Variants in RNF128 observed in about 807,000 individuals in gnomAD.
RNF128 encodes E3 ubiquitin-protein ligase RNF128.
In RNF128, 13 loss-of-function variants were observed where a neutral mutation model predicts 26.2. The ratio of observed to expected loss-of-function variants is 0.50; its 90% CI spans 0.32 to 0.79. The LOEUF (loss-of-function observed/expected upper bound fraction) is 0.79. Ranked by LOEUF, RNF128 falls within the 30% of genes least tolerant of loss-of-function variation. The probability of loss-of-function intolerance (pLI) is 0.03; values close to 1 mark genes in which losing one functional copy is unlikely to be tolerated. For synonymous variants in RNF128, 149 were observed against 142.5 expected, an observed-to-expected ratio of 1.05 and a Z score of -0.32; for missense variants, 315 against 349.7, an observed-to-expected ratio of 0.90 and a Z score of 0.79.
chrX:106,781,685 C>G (rs1930567298), intron 2 of RNF128, among the ~76,000 whole-genome samples: 1 of 111,681 alleles, frequency 9.0e-6, no homozygotes, highest in Non-Finnish European at 1.9e-5. Flanking sequence ...TTCTTTATAT[C>G]AGCCCAGTAG....
chrX:106,743,199 G>A lies in RNF128; in HGVS notation c.484+15802G>A, dbSNP rs1368887554. On this transcript the variant is annotated intron_variant, in intron 1 of 6. Transcript: ENST00000255499. The stretch of plus-strand genomic sequence containing the variant: ...AGCCTGTCATTTCAGGAAAACAAAT[G>A]ACAATATTTGTTGCCAATGATAAGA... 2.7e-5 allele frequency among the ~76,000 whole-genome samples: 3 copies of A among 112,084 alleles called. No homozygotes were observed. The East Asian group carries it at 8.4e-4, about 31-fold the overall frequency.
chrX:106,785,871 T>C (rs1248059874), intron 3 of RNF128, among the ~76,000 whole-genome samples: 5 of 111,701 alleles, frequency 4.5e-5, no homozygotes, highest in Non-Finnish European at 7.5e-5. Context: ...CCATTTTAAA[T>C]CTTACCAAAG....
At chrX:106,736,167 C>A (rs193211320) in intron 1 of RNF128, among the ~76,000 whole-genome samples, 55 of 111,359 alleles carry the variant, frequency 4.9e-4, no homozygotes, top group African/African-American at 1.7e-3. Flanking sequence ...AGATTAAGGG[C>A]AGAAGGGAAT....
At chrX:106,735,977 A>G (rs377462229) in intron 1 of RNF128, among the ~76,000 whole-genome samples, 277 of 109,818 alleles carry the variant, frequency 2.5e-3, no homozygotes, top group African/African-American at 9.0e-3. Context: ...TTTTTCCCGT[A>G]AGAGGCCTGC....
At chrX:106,789,418 A>C (rs1930770342) in intron 4 of RNF128, among the ~76,000 whole-genome samples, 1 of 99,399 alleles carries the variant, frequency 1.0e-5, no homozygotes, top group Non-Finnish European at 2.0e-5. Context: ...TATATACTCT[A>C]CATAATATAT....
At chrX:106,700,311 G>A (rs28674635) in intron 1 of RNF128, among the ~76,000 whole-genome samples, 13,143 of 110,504 alleles carry the variant, frequency 0.12, 1,940 homozygotes, top group African/African-American at 0.41. Flanking sequence ...GTCGTGAGCC[G>A]TCGCACTTGG....
upstream of RNF128, among the ~76,000 whole-genome samples, chrX:106,725,025 T>G (rs949264422): frequency 5.3e-5 from 6 of 112,443 alleles, no homozygotes; most frequent in African/African-American, 1.9e-4. Context: ...ACCTTCTTTC[T>G]TCTGAACACA....
At chrX:106,740,146 G>C (rs1929677680) in intron 1 of RNF128, among the ~76,000 whole-genome samples, 2 of 112,024 alleles carry the variant, frequency 1.8e-5, no homozygotes, top group South Asian at 7.5e-4. Context: ...GAAGGGGAGT[G>C]TGTAAGCAGC....
At chrX:106,783,620 G>A (rs1256786924) in intron 2 of RNF128, among the ~76,000 whole-genome samples, 2 of 111,380 alleles carry the variant, frequency 1.8e-5, no homozygotes, top group Non-Finnish European at 3.8e-5. Flanking sequence ...ATCTTGCCAT[G>A]CTGCACATGC....
rs1465213225 is a variant in RNF128, at chrX:106,697,284, TG to T, written c.406+2877del. 1.1e-4 allele frequency among the ~76,000 whole-genome samples: 12 copies of T among 112,008 alleles called. No individual in the cohort carries two copies. In the Admixed American group the frequency reaches 1.1e-3, roughly 11 times the overall value. ...GAATAGAGAAATATTTGGTAGTTTT[TG>T]TGGCGAGGACACTGTCCATATTTTG... On this transcript the variant is annotated intron_variant, in intron 1 of 6. Transcript: ENST00000324342.
intron 1 of RNF128, among the ~76,000 whole-genome samples, chrX:106,763,538 G>A (rs533493802): frequency 5.3e-5 from 6 of 112,867 alleles, no homozygotes; most frequent in South Asian, 3.6e-4. Context: ...ACGGAGTCTC[G>A]CTCTGTCGTC....
At chrX:106,741,963 C>T (rs192279390) in intron 1 of RNF128, among the ~76,000 whole-genome samples, 1 of 111,372 alleles carries the variant, frequency 9.0e-6, no homozygotes, top group African/African-American at 3.3e-5. Flanking sequence ...AATTTTATTC[C>T]GTAGGTGAAA....
rs183903648 is a variant in RNF128 at position 106,698,747 on chromosome X, G to T, written c.406+4339G>T. Among the ~76,000 whole-genome samples, 67 of 111,204 alleles carry T rather than the reference G, an allele frequency of 6.0e-4. 2 individuals are homozygous for T. The East Asian group carries it at 0.018, about 29-fold the overall frequency. ...CTGTAAGCCAAAGTGGCTTTTTAGA[G>T]AAAATAAATCTCATTCTGTTTAAAA... On this transcript the variant is annotated intron_variant, in intron 1 of 6. Transcript: ENST00000324342.
rs777344389 is a variant in RNF128 at position 106,697,823 on chromosome X, C to G, written c.406+3415C>G. Among the ~76,000 whole-genome samples the G allele has an allele frequency of 5.4e-5, 6 of 110,314 alleles. No individual in the cohort carries two copies. The East Asian group carries it at 1.7e-3, about 32-fold the overall frequency. ...TGGAGGTAAACTTCTAACTCAGTTT[C>G]CCATTGTGCTGTGTCCAGTATCAGT... is the stretch of plus-strand genomic sequence containing the variant. On this transcript the variant is annotated intron_variant, in intron 1 of 6. Coordinates refer to the RNF128 transcript ENST00000324342.
intron 1 of RNF128, among the ~76,000 whole-genome samples, chrX:106,734,291 A>G (rs1336306084): frequency 9.0e-6 from 1 of 111,582 alleles, no homozygotes; most frequent in Non-Finnish European, 1.9e-5. Context: ...AAATATACTT[A>G]CTAGCCTTAA....
chrX:106,779,086 G>T (rs1037391889), intron 2 of RNF128, among the ~76,000 whole-genome samples: 5 of 111,303 alleles, frequency 4.5e-5, no homozygotes, highest in Non-Finnish European at 7.5e-5. Flanking sequence ...TTAAATCCTT[G>T]TCTAAGTAAG....
rs749984429 is a variant in RNF128 at position 106,763,927 on chromosome X, T to TTTTGGTTTGGTTTGGTTTGGTTTGG, written c.485-8972_485-8948dup. On this transcript the variant is annotated intron_variant, in intron 1 of 6. Coordinates refer to ENST00000255499, the MANE Select transcript of RNF128 (RefSeq NM_194463.2). ...TGTACATTTCTTGCCTATCCTTGTT[T>TTTTGGTTTGGTTTGGTTTGGTTTGG]TTTGGTTTGGTTTGGTTTGGTTTGG... Among the ~76,000 whole-genome samples, 850 of 105,766 alleles carry TTTTGGTTTGGTTTGGTTTGGTTTGG rather than the reference T, an allele frequency of 8.0e-3. 17 individuals carry two copies. The highest frequency in any genetic ancestry group is 0.027 in the African/African-American group (764 of 28,063). The allele number at this position is 105,766 out of a possible 115,157, so 91.8% of individuals were successfully genotyped here.
intron 1 of RNF128, among the ~76,000 whole-genome samples, chrX:106,733,426 T>G (rs1163193950): frequency 9.0e-6 from 1 of 111,712 alleles, no homozygotes; most frequent in Non-Finnish European, 1.9e-5. Context: ...AAAGACATTT[T>G]CTAAGTAATT....
At chrX:106,735,903 T>TC (rs1054926237) in intron 1 of RNF128, among the ~76,000 whole-genome samples, 2 of 109,709 alleles carry the variant, frequency 1.8e-5, no homozygotes, top group African/African-American at 6.6e-5. Context: ...TTTTTTACCC[T>TC]CCCCCCAACA....
Sources: gnomAD v4.1 joint callset for allele counts (sites outside exome capture counted in the v4.1 genomes callset) on GRCh38, gnomAD v4.1.1 for gene constraint, MANE v1.5 for transcripts, NCBI Gene and HGNC (gene_info 2026-07-23, HGNC 2026-07-21) for gene names.